POP5: variants seen among roughly 807,000 people sequenced by gnomAD.
POP5 encodes ribonuclease P/MRP protein subunit POP5.
Under a neutral mutation model 20.7 loss-of-function variants are expected in POP5, and 18 were observed. The ratio of observed to expected loss-of-function variants is 0.87; its 90% CI spans 0.60 to 1.29. The LOEUF (loss-of-function observed/expected upper bound fraction) is 1.29. POP5 is among the 50% of genes most tolerant of loss of function. The pLI, the probability that POP5 is intolerant of heterozygous loss-of-function variation, is 0.00. For synonymous variants in POP5, 91 were observed against 78.0 expected, an observed-to-expected ratio of 1.17 and a Z score of -0.88; for missense variants, 200 against 203.2, an observed-to-expected ratio of 0.98 and a Z score of 0.10.
In POP5 at chr12:120,579,542, C is replaced by G; in HGVS notation, c.369G>C (p.Leu123Phe). The G allele has an allele frequency of 6.2e-7, 1 of 1,614,162 alleles. No individual in the cohort carries two copies. The highest frequency in any genetic ancestry group is 8.5e-7 in the Non-Finnish European group (1 of 1,179,992). The part of the protein sequence containing the change: ...FLIQYNRRQL[L>F]ILLQNCTDEG... ...CATCAGTGCAGTTCTGCAACAAGATCAACAGCTGTCTCCTGTTGTACTGAA... is the reference window on the plus strand; with the variant it reads ...CATCAGTGCAGTTCTGCAACAAGATGAACAGCTGTCTCCTGTTGTACTGAA... Residue 123 changes from leucine to phenylalanine, a missense_variant, in exon 4 of 5, where the codon TTG (leucine) becomes TTC (phenylalanine). By Grantham distance (22) the Leu-to-Phe change is conservative. Coordinates refer to ENST00000357500, the MANE Select transcript of POP5 (RefSeq NM_015918.4).
In POP5 at chr12:120,581,336, T is replaced by C. The variant is rs370724051; in HGVS notation, c.20+7A>G. ...GGCACTGGGAGGGTCTGGAAGGGAATGCTTACCTGTGCTTGAACCGCACCA... is the reference window on the plus strand; with the variant it reads ...GGCACTGGGAGGGTCTGGAAGGGAACGCTTACCTGTGCTTGAACCGCACCA... On this transcript the variant is annotated splice_region_variant and intron_variant, in intron 1 of 4. Coordinates refer to ENST00000357500, the MANE Select transcript of POP5 (RefSeq NM_015918.4). 1.9e-6 allele frequency: 3 copies of C among 1,613,720 alleles called. No homozygotes were observed. Among genetic ancestry groups the C allele is most frequent in the African/African-American group, 1.3e-5 (1 of 74,958 alleles).
chr12:120,579,527 G>A lies in POP5; in HGVS notation c.384C>T (p.Asn128=), dbSNP rs767877685. The A allele has an allele frequency of 6.2e-7, 1 of 1,614,052 alleles. No homozygotes were observed. Among genetic ancestry groups the A allele is most frequent in the Non-Finnish European group, 8.5e-7 (1 of 1,179,884 alleles). Residue 128 remains asparagine (N), a synonymous_variant, in exon 4 of 5, where the codon AAC becomes AAT. Coordinates refer to ENST00000357500, the MANE Select transcript of POP5 (RefSeq NM_015918.4). ...AGTGTTGCTTACCTTCATCAGTGCA[G>A]TTCTGCAACAAGATCAACAGCTGTC... ...NRRQLLILLQ[N]CTDEGEREAI...
rs1877852547 is a variant in POP5, at chr12:120,581,263, G to A, written c.21-6C>T. On this transcript the variant is annotated splice_region_variant and splice_polypyrimidine_tract_variant and intron_variant, in intron 1 of 4. Coordinates refer to ENST00000357500, the MANE Select transcript of POP5 (RefSeq NM_015918.4). ...CCAGTTCGCAGAGCAGGTACCTGCG[G>A]CAGGCGAGAGGAAGGTGGACACTAG... 2 of 1,614,230 alleles carry A rather than the reference G, an allele frequency of 1.2e-6. No homozygotes were observed.
At position 120,579,924 on chromosome 12, in the gene POP5, C is replaced by G. The variant is rs138708878; in HGVS notation, c.164-1G>C. On this transcript the variant is annotated splice_acceptor_variant, in intron 2 of 4. Coordinates refer to ENST00000357500, the MANE Select transcript of POP5 (RefSeq NM_015918.4). LOFTEE classifies it high-confidence loss of function. ...CCAGTATAGGCATTGAGATATCGAA[C>G]TACAACAGGAAAGAAAAATCATTTT... is the stretch of plus-strand genomic sequence containing the variant. The G allele has an allele frequency of 1.9e-6, 3 of 1,613,028 alleles. No individual in the cohort carries two copies. Among genetic ancestry groups the G allele is most frequent in the Non-Finnish European group, 2.5e-6 (3 of 1,179,496 alleles).
intron 2 of POP5, 74 bp from the exon 3 acceptor site, chr12:120,579,997 T>A (rs940291870): frequency 1.4e-6 from 2 of 1,439,074 alleles, no homozygotes; most frequent in African/African-American, 2.8e-5. Flanking sequence ...ATCCCAGCAC[T>A]TTGGGAGGCT....
Position 120,579,759 on chromosome 12 carries a change from C to T in POP5, c.313+15G>A, listed in dbSNP as rs368559910. On this transcript the variant is annotated intron_variant, in intron 3 of 4. Coordinates refer to ENST00000357500, the MANE Select transcript of POP5 (RefSeq NM_015918.4). The stretch of plus-strand genomic sequence containing the variant: ...CACCAATTGAAAATCAGTAGCCATA[C>T]CACCTCACTCCTACCTCCCACATGT... 4.9e-5 allele frequency: 79 copies of T among 1,597,736 alleles called. No homozygotes were observed. The highest frequency in any genetic ancestry group is 5.9e-5 in the Non-Finnish European group (69 of 1,165,486).
In POP5 at chr12:120,579,249, C is replaced by T. The variant is rs1338162649; in HGVS notation, c.*69G>A. On this transcript the variant is annotated 3_prime_UTR_variant, in exon 5 of 5. Transcript: ENST00000357500. Reference sequence around the variant, plus strand: ...AACTGTGGAAGATGCTGTTGCTACCCAGATTGTTCTGTTCAACAAGTGGGC... The same window carrying T: ...AACTGTGGAAGATGCTGTTGCTACCTAGATTGTTCTGTTCAACAAGTGGGC... The T allele has an allele frequency of 7.3e-7, 1 of 1,369,866 alleles. No individual in the cohort carries two copies. The highest frequency in any genetic ancestry group is 1.0e-6 in the Non-Finnish European group (1 of 959,532). The allele number at this position is 1,369,866 out of a possible 1,614,324, so 84.9% of individuals were successfully genotyped here.
chr12:120,579,475 C>G, intron 4 of POP5, 39 bp downstream of exon 4: 4 of 1,607,368 alleles, frequency 2.5e-6, no homozygotes, highest in Non-Finnish European at 3.4e-6. Flanking sequence ...AGCTTAAGGT[C>G]AGTCACTGCT....
rs780615279 is a variant in POP5 at position 120,581,133 on chromosome 12, A to G, written c.145T>C (p.Cys49Arg). The change falls in exon 2 of 5, where the codon TGC (cysteine) becomes CGC (arginine). Residue 49 changes from cysteine (C) to arginine (R), a missense_variant. By Grantham distance (180) the Cys-to-Arg change is radical. Transcript: ENST00000357500. ...CTTGCACCCGCGAAGCCGATGGAGC[A>G]GGCGGCTGCGCCGAAAGTTCCGTGC... is the stretch of plus-strand genomic sequence containing the variant. ...RVHGTFGAAA[C>R]SIGFAVRYLN... 6.2e-7 allele frequency: 1 copy of G among 1,612,488 alleles called. No homozygotes were observed. The highest frequency in any genetic ancestry group is 8.5e-7 in the Non-Finnish European group (1 of 1,179,978).
rs757257998 is a variant in POP5 at position 120,579,575 on chromosome 12, C to T, written c.336G>A (p.Lys112=). Residue 112 remains lysine, a synonymous_variant, in exon 4 of 5, where the codon AAG becomes AAA. Coordinates refer to ENST00000357500, the MANE Select transcript of POP5 (RefSeq NM_015918.4). ...GTCTCCTGTTGTACTGAATTAGGAA[C>T]TTCTGACATGTTCTTATTGTACCTG... is the stretch of plus-strand genomic sequence containing the variant. ...HVGGTIRTCQ[K]FLIQYNRRQL... is the part of the protein sequence containing the mutation. The T allele has an allele frequency of 6.2e-7, 1 of 1,613,976 alleles. No individual in the cohort carries two copies. The highest frequency in any genetic ancestry group is 1.1e-5 in the South Asian group (1 of 91,072).
intron 3 of POP5, 68 bp from the exon 4 acceptor site, chr12:120,579,665 G>C (rs893553479): frequency 1.3e-6 from 2 of 1,546,268 alleles, no homozygotes; most frequent in Non-Finnish European, 1.8e-6. Context: ...TCAGAGGTAG[G>C]GGGAAGTGTC....
rs973299420 is a variant in POP5 at position 120,581,368 on chromosome 12, CCTCCGCGCTCTCCGG to C, written c.-21_-7del. On this transcript the variant is annotated 5_prime_UTR_variant, in exon 1 of 5. Coordinates refer to ENST00000357500, the MANE Select transcript of POP5 (RefSeq NM_015918.4). ...CTGTGCTTGAACCGCACCATGGCTG[CCTCCGCGCTCTCCGG>C]TCCGGCGTGCAAACCGGATGTGAAT... The C allele has an allele frequency of 1.2e-6, 2 of 1,611,804 alleles. No homozygotes were observed. Among genetic ancestry groups the C allele is most frequent in the Non-Finnish European group, 1.7e-6 (2 of 1,179,182 alleles).
At chr12:120,580,270 C>G (rs530176361) in intron 2 of POP5, 12 of 220,570 alleles carry the variant, frequency 5.4e-5, no homozygotes, top group African/African-American at 1.9e-4. Context: ...AGTAACAGAG[C>G]CTACTATGTG....
intron 2 of POP5, among the ~76,000 whole-genome samples, chr12:120,580,334 A>G (rs1008747622): frequency 6.6e-6 from 1 of 152,232 alleles, no homozygotes; most frequent in Non-Finnish European, 1.5e-5. Flanking sequence ...AGTAAAAGAG[A>G]AAAGCCAAAA....
At position 120,579,755 on chromosome 12, in the gene POP5, C is replaced by T; in HGVS notation, c.313+19G>A. 6.3e-7 allele frequency: 1 copy of T among 1,595,334 alleles called. No individual in the cohort carries two copies. Among genetic ancestry groups the T allele is most frequent in the Non-Finnish European group, 8.6e-7 (1 of 1,163,254 alleles). On this transcript the variant is annotated intron_variant, in intron 3 of 4. Coordinates refer to ENST00000357500, the MANE Select transcript of POP5 (RefSeq NM_015918.4). ...GTGTCACCAATTGAAAATCAGTAGCCATACCACCTCACTCCTACCTCCCAC... is the reference window on the plus strand; with the variant it reads ...GTGTCACCAATTGAAAATCAGTAGCTATACCACCTCACTCCTACCTCCCAC...
rs749456676 is a variant in POP5, at chr12:120,579,762, CCTCA to C, written c.313+8_313+11del. 1.9e-6 allele frequency: 3 copies of C among 1,600,548 alleles called. No homozygotes were observed. The South Asian group carries it at 3.3e-5, about 18-fold the overall frequency. ...CAATTGAAAATCAGTAGCCATACCA[CCTCA>C]CTCCTACCTCCCACATGTAATGTGT... On this transcript the variant is annotated splice_region_variant and intron_variant, in intron 3 of 4. Coordinates refer to ENST00000357500, the MANE Select transcript of POP5 (RefSeq NM_015918.4).
rs933280129 is a variant in POP5, at chr12:120,581,256, A to G, written c.22T>C (p.Tyr8His). 3 of 1,614,208 alleles carry G rather than the reference A, an allele frequency of 1.9e-6. No homozygotes were observed. Among genetic ancestry groups the G allele is most frequent in the East Asian group, 4.5e-5 (2 of 44,890 alleles). The change falls in exon 2 of 5, where the codon TAC (tyrosine) becomes CAC (histidine). Residue 8 changes from tyrosine to histidine, a missense_variant and splice_region_variant. By Grantham distance (83) the Tyr-to-His change is moderately conservative. Transcript: ENST00000357500. Reference protein sequence around the residue: MVRFKHRYLLCELVSDDP... With the variant: MVRFKHRHLLCELVSDDP... Reference sequence around the variant, plus strand: ...TCAGACACCAGTTCGCAGAGCAGGTACCTGCGGCAGGCGAGAGGAAGGTGG... The same window carrying G: ...TCAGACACCAGTTCGCAGAGCAGGTGCCTGCGGCAGGCGAGAGGAAGGTGG...
At chr12:120,580,159 C>T in intron 2 of POP5, 1 of 424,994 alleles carries the variant, frequency 2.4e-6, no homozygotes. Flanking sequence ...TGAGAATCGC[C>T]TGAACCCAGG....
intron 2 of POP5, 40 bp downstream of exon 2, chr12:120,581,075 C>T (rs1374240056): frequency 6.3e-7 from 1 of 1,598,406 alleles, no homozygotes; most frequent in Non-Finnish European, 8.5e-7. Flanking sequence ...CACATCCCGC[C>T]ATCCTCCCGG....
Sources: allele counts gnomAD v4.1 joint callset (sites outside exome capture counted in the v4.1 genomes callset), GRCh38; gene constraint gnomAD v4.1.1; transcripts MANE v1.5; gene names NCBI Gene and HGNC (gene_info 2026-07-23, HGNC 2026-07-21).